ANKRD7: variants seen among roughly 807,000 people sequenced by gnomAD.
The protein encoded by ANKRD7 is ankyrin repeat domain-containing protein 7.
In ANKRD7, 30 loss-of-function variants were observed where a neutral mutation model predicts 30.8. That is an observed-to-expected ratio of 0.97 (90% CI 0.73 to 1.32). ANKRD7 has a LOEUF of 1.32. ANKRD7 is among the 40% of genes most tolerant of loss of function. The pLI is 0.00. For synonymous variants in ANKRD7, 97 were observed against 106.6 expected (o/e 0.91, Z 0.55); for missense variants, 264 against 295.7 (o/e 0.89, Z 0.79).
At chr7:118,225,081 TG>T (rs1809518520) in intron 1 of ANKRD7, 72 bp downstream of exon 1, 1 of 1,540,686 alleles carries the variant, frequency 6.5e-7, no homozygotes, top group African/African-American at 1.4e-5. Flanking sequence ...ATAAGACAAG[TG>T]GGGGCTGTTT....
chr7:118,231,474 G>T (rs1472277883), intron 1 of ANKRD7, among the ~76,000 whole-genome samples: 1 of 151,994 alleles, frequency 6.6e-6, no homozygotes. Flanking sequence ...GCCTAGAGAT[G>T]AAAATAAATG....
intron 1 of ANKRD7, among the ~76,000 whole-genome samples, chr7:118,231,282 G>A (rs1480642111): frequency 3.9e-5 from 6 of 152,062 alleles, no homozygotes; most frequent in Non-Finnish European, 7.4e-5. Flanking sequence ...CAAGAGCAGT[G>A]TGCCTAATAA....
chr7:118,234,574 G>A (rs1809695124), intron 2 of ANKRD7, 29 bp downstream of exon 2: 2 of 1,578,162 alleles, frequency 1.3e-6, no homozygotes, highest in Admixed American at 1.8e-5. Context: ...TTTTCAATTG[G>A]AATGTGTTTG....
At chr7:118,241,471 T>G (rs1199593634) in intron 6 of ANKRD7, among the ~76,000 whole-genome samples, 1 of 149,758 alleles carries the variant, frequency 6.7e-6, no homozygotes, top group Non-Finnish European at 1.5e-5. Flanking sequence ...CAATGTTTGG[T>G]CCTATCAATT....
At chr7:118,230,608 C>T (rs117254206) in intron 1 of ANKRD7, among the ~76,000 whole-genome samples, 1,523 of 151,250 alleles carry the variant, frequency 0.01, 19 homozygotes, top group South Asian at 0.06. Context: ...TGAAAAAAAT[C>T]TCAAATTGTA....
At chr7:118,239,725 G>A in intron 5 of ANKRD7, 184 bp from the exon 6 acceptor site, 1 of 360,456 alleles carries the variant, frequency 2.8e-6, no homozygotes, top group Non-Finnish European at 5.0e-6. Flanking sequence ...AGGTGCCAGA[G>A]AATGGGAGTA....
chr7:118,239,518 C>T (rs1408914161), intron 5 of ANKRD7, among the ~76,000 whole-genome samples: 1 of 152,152 alleles, frequency 6.6e-6, no homozygotes, highest in Admixed American at 6.5e-5. Context: ...TCAGAGAAAG[C>T]CTACCCCACT....
intron 1 of ANKRD7, among the ~76,000 whole-genome samples, chr7:118,229,166 T>G (rs961169153): frequency 2.6e-5 from 4 of 152,114 alleles, no homozygotes; most frequent in Admixed American, 6.6e-5. Flanking sequence ...AGCTGGTCCC[T>G]CTGCCTGGGG....
chr7:118,232,490 C>T (rs533110428), intron 1 of ANKRD7, among the ~76,000 whole-genome samples: 1 of 152,186 alleles, frequency 6.6e-6, no homozygotes, highest in African/African-American at 2.4e-5. Flanking sequence ...TATTGTTCAA[C>T]ACCTCCTTTG....
At position 118,240,011 on chromosome 7, in the gene ANKRD7, ACTGGATTAGTGTTTTTTT is replaced by A; in HGVS notation, c.*37+16_*37+33del. ...TGACTAAAGGAAGGTAAGATTGCTA[ACTGGATTAGTGTTTTTTT>A]CTTGTTGCTTTTTATTTGTTAATTT... On this transcript the variant is annotated intron_variant, in intron 6 of 6. Coordinates refer to ENST00000265224, the MANE Select transcript of ANKRD7 (RefSeq NM_019644.4). 1.4e-6 allele frequency: 2 copies of A among 1,425,358 alleles called. No homozygotes were observed. The highest frequency in any genetic ancestry group is 1.9e-6 in the Non-Finnish European group (2 of 1,063,590). The allele number at this position is 1,425,358 out of a possible 1,614,324, so 88.3% of individuals were successfully genotyped here.
chr7:118,234,286 T>C (rs1809688937), intron 1 of ANKRD7, 145 bp from the exon 2 acceptor site: 2 of 442,928 alleles, frequency 4.5e-6, no homozygotes, highest in South Asian at 1.4e-4. Flanking sequence ...AATGTAATTG[T>C]AATTAATGTA....
chr7:118,228,568 T>G (rs957161619), intron 1 of ANKRD7, among the ~76,000 whole-genome samples: 2 of 152,194 alleles, frequency 1.3e-5, no homozygotes, highest in African/African-American at 4.8e-5. Context: ...CTTAGCTTTC[T>G]CAAACTGAGG....
intron 5 of ANKRD7, among the ~76,000 whole-genome samples, chr7:118,238,907 T>G (rs2116025112): frequency 6.6e-6 from 1 of 152,330 alleles, no homozygotes; most frequent in African/African-American, 2.4e-5. Context: ...CCTGTGAATG[T>G]GACCATTTTT....
chr7:118,231,836 A>G (rs759843500), intron 1 of ANKRD7, among the ~76,000 whole-genome samples: 1 of 152,102 alleles, frequency 6.6e-6, no homozygotes, highest in Non-Finnish European at 1.5e-5. Context: ...GAATGAAACA[A>G]AATGACATCG....
Position 118,225,021 on chromosome 7 carries a change from G to A in ANKRD7, c.179+12G>A. ...GACAAAAAATACAGGTGACCAGACT[G>A]AAGAGCCAGCGCGGGAGGACGGGTT... On this transcript the variant is annotated intron_variant, in intron 1 of 6. Transcript: ENST00000265224. 6.2e-7 allele frequency: 1 copy of A among 1,613,154 alleles called. No homozygotes were observed. Among genetic ancestry groups the A allele is most frequent in the Non-Finnish European group, 8.5e-7 (1 of 1,179,696 alleles).
At position 118,232,183 on chromosome 7, in the gene ANKRD7, T is replaced by G. The variant is rs190977644; in HGVS notation, c.180-2248T>G. ...GATAAGTGGCCACAACAAATTTTTT[T>G]TTTGTTTGTTTGTTTGTTTTGCTGC... On this transcript the variant is annotated intron_variant, in intron 1 of 6. Coordinates refer to ENST00000265224, the MANE Select transcript of ANKRD7 (RefSeq NM_019644.4). Among the ~76,000 whole-genome samples the G allele has an allele frequency of 2.4e-3, 372 of 152,152 alleles. 4 individuals are homozygous for G. The highest frequency in any genetic ancestry group is 6.6e-3 in the African/African-American group (275 of 41,540).
At chr7:118,238,107 C>A (rs1388027238) in intron 5 of ANKRD7, among the ~76,000 whole-genome samples, 1 of 152,066 alleles carries the variant, frequency 6.6e-6, no homozygotes, top group African/African-American at 2.4e-5. Flanking sequence ...CTCATGAAGG[C>A]ATTATTGGAT....
chr7:118,227,736 T>G (rs1433913703), intron 1 of ANKRD7, among the ~76,000 whole-genome samples: 1 of 152,116 alleles, frequency 6.6e-6, no homozygotes. Flanking sequence ...CAAAGTTAGG[T>G]GTTTGGCATT....
chr7:118,229,944 A>G (rs1362907071), intron 1 of ANKRD7, among the ~76,000 whole-genome samples: 1 of 152,188 alleles, frequency 6.6e-6, no homozygotes, highest in South Asian at 2.1e-4. Flanking sequence ...TGATCATCTC[A>G]ATAGTTGTAG....
Sources: allele counts gnomAD v4.1 joint callset (sites outside exome capture counted in the v4.1 genomes callset), GRCh38; gene constraint gnomAD v4.1.1; transcripts MANE v1.5; gene names NCBI Gene and HGNC (gene_info 2026-07-23, HGNC 2026-07-21).